The following SSBP3 variants were observed in gnomAD, a reference collection of about 807,000 sequenced individuals.
SSBP3 encodes the protein single stranded DNA binding protein 3.
Under a neutral mutation model 69.6 loss-of-function variants are expected in SSBP3, and 5 were observed. That is an observed-to-expected ratio of 0.07 (90% CI 0.04 to 0.15). The LOEUF is 0.15. Ranked by LOEUF, SSBP3 falls within the 10% of genes least tolerant of loss-of-function variation. The pLI, the probability that SSBP3 is intolerant of heterozygous loss-of-function variation, is 1.00. For missense variants in SSBP3, 312 were observed against 534.0 expected, an observed-to-expected ratio of 0.58 and a Z score of 4.10; for synonymous variants, 196 against 193.4, an observed-to-expected ratio of 1.01 and a Z score of -0.11.
intron 4 of SSBP3, among the ~76,000 whole-genome samples, chr1:54,328,349 G>A (rs1646348625): frequency 6.6e-6 from 1 of 152,226 alleles, no homozygotes; most frequent in Non-Finnish European, 1.5e-5. Flanking sequence ...GGAGGCTGAG[G>A]TGACCAAAAG....
chr1:54,304,252 CA>C (rs1298013388), intron 4 of SSBP3, among the ~76,000 whole-genome samples: 3 of 152,204 alleles, frequency 2.0e-5, no homozygotes, highest in Non-Finnish European at 4.4e-5. Flanking sequence ...GCAATGTGAA[CA>C]GGCGGCGAGG....
chr1:54,281,662 A>T, intron 4 of SSBP3, 135 bp from the exon 5 acceptor site: 1 of 790,456 alleles, frequency 1.3e-6, no homozygotes, highest in Non-Finnish European at 2.2e-6. Context: ...TTCTACTTAA[A>T]GCCCTCCTAG....
chr1:54,331,324 G>A (rs1569838468), intron 4 of SSBP3, among the ~76,000 whole-genome samples: 1 of 152,190 alleles, frequency 6.6e-6, no homozygotes, highest in East Asian at 1.9e-4. Context: ...CCTTGGTTAA[G>A]GAAGAGGAAG....
At chr1:54,359,628 G>A (rs541269460) in intron 4 of SSBP3, among the ~76,000 whole-genome samples, 1 of 152,300 alleles carries the variant, frequency 6.6e-6, no homozygotes, top group South Asian at 2.1e-4. Flanking sequence ...CGGCTGTAGA[G>A]GTCACTGTGT....
intron 4 of SSBP3, among the ~76,000 whole-genome samples, chr1:54,295,444 C>T (rs982949898): frequency 1.3e-5 from 2 of 152,156 alleles, no homozygotes; most frequent in African/African-American, 4.8e-5. Flanking sequence ...TAGAAGTTAC[C>T]AGTTTCCACC....
chr1:54,345,997 A>AC (rs1646683655), intron 4 of SSBP3, among the ~76,000 whole-genome samples: 1 of 151,422 alleles, frequency 6.6e-6, no homozygotes, highest in South Asian at 2.1e-4. Flanking sequence ...AAAAAAAAAA[A>AC]AACAAAACAA....
chr1:54,341,622 G>A (rs562143509), intron 4 of SSBP3, among the ~76,000 whole-genome samples: 3 of 151,824 alleles, frequency 2.0e-5, no homozygotes, highest in Admixed American at 1.3e-4. Flanking sequence ...CCTTCCCAGA[G>A]CTTAATTGCT....
intron 4 of SSBP3, among the ~76,000 whole-genome samples, chr1:54,293,425 T>G (rs1645644131): frequency 6.6e-6 from 1 of 152,114 alleles, no homozygotes; most frequent in African/African-American, 2.4e-5. Flanking sequence ...AGGTGGTCCA[T>G]CCCCTACTCA....
intron 4 of SSBP3, among the ~76,000 whole-genome samples, chr1:54,283,102 A>G (rs1557493394): frequency 6.6e-6 from 1 of 152,126 alleles, no homozygotes; most frequent in Non-Finnish European, 1.5e-5. Context: ...CCCCATCTCA[A>G]CTAAAAATAC....
chr1:54,342,143 C>G (rs1041758074), intron 4 of SSBP3, among the ~76,000 whole-genome samples: 2 of 152,218 alleles, frequency 1.3e-5, no homozygotes, highest in African/African-American at 4.8e-5. Context: ...GCCCAAGGCA[C>G]AGGAAAGCAG....
Position 54,392,513 on chromosome 1 carries a change from G to A in SSBP3, c.276+9348C>T, listed in dbSNP as rs1648570894. Among the ~76,000 whole-genome samples, 4 of 152,148 alleles carry A rather than the reference G, an allele frequency of 2.6e-5. No homozygotes were observed. In the South Asian group the frequency reaches 6.2e-4, roughly 24 times the overall value. ...TATTTGTGTTTACTCTGTGTAATAC[G>A]GTTGTTTCTTTTTTGGTAATTACCA... is the stretch of plus-strand genomic sequence containing the variant. On this transcript the variant is annotated intron_variant, in intron 4 of 17. Transcript: ENST00000610401.
At chr1:54,287,015 C>T (rs1645503701) in intron 4 of SSBP3, 1 of 152,196 alleles carries the variant, frequency 6.6e-6, no homozygotes, top group Admixed American at 6.5e-5. Context: ...AGTGTTGATG[C>T]TTTTCCTTCA....
chr1:54,293,856 G>A (rs528142281), intron 4 of SSBP3, among the ~76,000 whole-genome samples: 7 of 152,106 alleles, frequency 4.6e-5, no homozygotes, highest in Non-Finnish European at 1.0e-4. Context: ...CTGCTTTTCG[G>A]CCAGGCATGG....
At chr1:54,319,925 A>C (rs936645908) in intron 4 of SSBP3, among the ~76,000 whole-genome samples, 1 of 152,156 alleles carries the variant, frequency 6.6e-6, no homozygotes, top group African/African-American at 2.4e-5. Flanking sequence ...CTGGCTTCAA[A>C]CTCACTGTCT....
intron 4 of SSBP3, among the ~76,000 whole-genome samples, chr1:54,358,212 C>G (rs1263719890): frequency 6.6e-6 from 1 of 152,220 alleles, no homozygotes; most frequent in Non-Finnish European, 1.5e-5. Context: ...TGAAGACTAA[C>G]ACGCCTGCCT....
chr1:54,378,629 C>T (rs1647378041), intron 4 of SSBP3, among the ~76,000 whole-genome samples: 1 of 152,206 alleles, frequency 6.6e-6, no homozygotes, highest in Non-Finnish European at 1.5e-5. Context: ...GGGGCTGGGA[C>T]GGCGGTTTGG....
At chr1:54,235,426 C>T (rs1422122048) in intron 14 of SSBP3, among the ~76,000 whole-genome samples, 5 of 145,170 alleles carry the variant, frequency 3.4e-5, no homozygotes, top group African/African-American at 1.0e-4. Context: ...GGACTATAGG[C>T]GTGTACCACC....
chr1:54,363,943 G>T (rs1646988842), intron 4 of SSBP3, among the ~76,000 whole-genome samples: 1 of 152,192 alleles, frequency 6.6e-6, no homozygotes, highest in Non-Finnish European at 1.5e-5. Flanking sequence ...AACAAAGGGG[G>T]CAGACCAGAT....
chr1:54,268,624 C>G (rs1645142256), intron 5 of SSBP3, among the ~76,000 whole-genome samples: 1 of 152,248 alleles, frequency 6.6e-6, no homozygotes, highest in African/African-American at 2.4e-5. Context: ...GCAAAGTCTG[C>G]CAAGTTTTTC....
Sources: allele counts gnomAD v4.1 joint callset (sites outside exome capture counted in the v4.1 genomes callset), GRCh38; gene constraint gnomAD v4.1.1; transcripts MANE v1.5; gene names NCBI Gene and HGNC (gene_info 2026-07-23, HGNC 2026-07-21).